Variants in SESN1 observed in about 807,000 individuals in gnomAD.
SESN1 encodes the protein sestrin 1.
Under a neutral mutation model 59.3 loss-of-function variants are expected in SESN1, and 30 were observed. The ratio of observed to expected loss-of-function variants is 0.51; its 90% CI spans 0.38 to 0.69. SESN1 has a LOEUF of 0.69. SESN1 is among the 30% of genes least tolerant of loss of function. SESN1 has a pLI of 0.00. For synonymous variants in SESN1, 197 were observed against 219.9 expected (o/e 0.90, Z 0.92); for missense variants, 566 against 673.0 (o/e 0.84, Z 1.76).
rs1168722450 is a variant in SESN1 at position 108,984,763 on chromosome 6, C to CAACT, written c.*2777_*2780dup. Among the ~76,000 whole-genome samples, 1 of 152,192 alleles carries CAACT rather than the reference C, an allele frequency of 6.6e-6. No individual in the cohort carries two copies. The highest frequency in any genetic ancestry group is 1.9e-4 in the East Asian group (1 of 5,198). On this transcript the variant is annotated 3_prime_UTR_variant, in exon 10 of 10. Coordinates refer to ENST00000436639, the MANE Select transcript of SESN1 (RefSeq NM_014454.3). ...TTTTGTGTGCTGACTTTGTATCCTA[C>CAACT]AACTTTGCTGAATTTATGCTTCCTC...
At chr6:109,043,460 T>C (rs1018319701) in intron 1 of SESN1, among the ~76,000 whole-genome samples, 1 of 152,086 alleles carries the variant, frequency 6.6e-6, no homozygotes, top group African/African-American at 2.4e-5. Context: ...ATTATGTACA[T>C]AGAAAATCCC....
At chr6:108,994,894 G>A (rs905095577) in intron 5 of SESN1, among the ~76,000 whole-genome samples, 5 of 151,736 alleles carry the variant, frequency 3.3e-5, no homozygotes, top group Admixed American at 1.3e-4. Context: ...TAGTAGAGAC[G>A]GGGTTTCACC....
intron 1 of SESN1, among the ~76,000 whole-genome samples, chr6:109,058,337 C>T (rs915784858): frequency 1.3e-5 from 2 of 152,140 alleles, no homozygotes; most frequent in African/African-American, 4.8e-5. Flanking sequence ...CATTGTGTTA[C>T]AACTGCCAGT....
intron 1 of SESN1, among the ~76,000 whole-genome samples, chr6:109,008,165 T>C (rs1391400926): frequency 2.6e-5 from 4 of 152,200 alleles, no homozygotes; most frequent in African/African-American, 7.2e-5. Context: ...AAGCTATCTT[T>C]AGAAATTCTA....
chr6:109,046,612 G>C lies in SESN1; in HGVS notation c.280-44269C>G, dbSNP rs1021474135. Among the ~76,000 whole-genome samples the C allele has an allele frequency of 9.2e-5, 13 of 141,038 alleles. 1 individual carries two copies. Among genetic ancestry groups the C allele is most frequent in the Admixed American group, 6.9e-4 (10 of 14,460 alleles). The allele number at this position is 141,038 out of a possible 152,430, so 92.5% of individuals were successfully genotyped here. On this transcript the variant is annotated intron_variant, in intron 1 of 9. Transcript: ENST00000436639. ...TGGAAAGTGAGGAGCGTCTGCGCCCGGCCGCCATCCCATCTAGGAAGTGAG... is the reference window on the plus strand; with the variant it reads ...TGGAAAGTGAGGAGCGTCTGCGCCCCGCCGCCATCCCATCTAGGAAGTGAG...
At chr6:109,024,443 A>T (rs1780059451) in intron 1 of SESN1, among the ~76,000 whole-genome samples, 1 of 152,168 alleles carries the variant, frequency 6.6e-6, no homozygotes, top group East Asian at 1.9e-4. Context: ...ATGGTCCTAT[A>T]AGCCTTAAAA....
chr6:109,069,126 T>C (rs1339348042), intron 1 of SESN1, among the ~76,000 whole-genome samples: 1 of 152,128 alleles, frequency 6.6e-6, no homozygotes, highest in Non-Finnish European at 1.5e-5. Context: ...TGTTTGTAAC[T>C]TTCAAGAGGT....
chr6:109,084,844 T>C (rs1220468526), intron 1 of SESN1, among the ~76,000 whole-genome samples: 1 of 152,044 alleles, frequency 6.6e-6, no homozygotes, highest in African/African-American at 2.4e-5. Context: ...TTAACATGAA[T>C]TTTTTTGTTA....
intron 1 of SESN1, among the ~76,000 whole-genome samples, chr6:109,046,615 C>CA (rs1780444099): frequency 7.7e-6 from 1 of 130,250 alleles, no homozygotes; most frequent in African/African-American, 2.7e-5. Flanking sequence ...TGCGCCCGGC[C>CA]GCCATCCCAT....
At chr6:109,061,235 C>T (rs988081166) in intron 1 of SESN1, among the ~76,000 whole-genome samples, 1 of 152,086 alleles carries the variant, frequency 6.6e-6, no homozygotes, top group Non-Finnish European at 1.5e-5. Flanking sequence ...GAAACCACAT[C>T]TGATTCCATG....
intron 1 of SESN1, among the ~76,000 whole-genome samples, chr6:109,080,116 A>G (rs1781096031): frequency 6.6e-6 from 1 of 152,206 alleles, no homozygotes; most frequent in Non-Finnish European, 1.5e-5. Flanking sequence ...GCCAGAAGCC[A>G]GTTATAAAAC....
At position 109,094,206 on chromosome 6, in the gene SESN1, T is replaced by C. The variant is rs904500185; in HGVS notation, c.-133A>G. 1.6e-5 allele frequency: 16 copies of C among 1,018,158 alleles called. No homozygotes were observed. The highest frequency in any genetic ancestry group is 5.1e-5 in the Admixed American group (2 of 39,016). 63.1% of individuals were successfully genotyped at this position (1,018,158 alleles called of 1,614,324 possible). A position where few individuals can be genotyped will look rare whatever the true frequency, so the allele number is the denominator to read the frequency against. ...ATCGTCATGAAAACACACATCTGGG[T>C]GACATTTGGAACCACTGGTGCCTTC... On this transcript the variant is annotated 5_prime_UTR_variant, in exon 1 of 10. Coordinates refer to ENST00000436639, the MANE Select transcript of SESN1 (RefSeq NM_014454.3).
chr6:109,062,634 T>C (rs750517829), intron 1 of SESN1, among the ~76,000 whole-genome samples: 1 of 152,212 alleles, frequency 6.6e-6, no homozygotes, highest in Non-Finnish European at 1.5e-5. Context: ...GAAATAGCTG[T>C]ATTAAAACAT....
At chr6:108,988,794 T>C in intron 8 of SESN1, 107 bp from the exon 9 acceptor site, 1 of 833,886 alleles carries the variant, frequency 1.2e-6, no homozygotes, top group African/African-American at 1.8e-5. Flanking sequence ...TCTCTCTTTG[T>C]GTAGGCAGCT....
At position 109,094,137 on chromosome 6, in the gene SESN1, T is replaced by C. The variant is rs1554268467; in HGVS notation, c.-64A>G. 6.7e-7 allele frequency: 1 copy of C among 1,484,088 alleles called. No individual in the cohort carries two copies. Among genetic ancestry groups the C allele is most frequent in the East Asian group, 2.3e-5 (1 of 43,940 alleles). The allele number at this position is 1,484,088 out of a possible 1,614,324, so 91.9% of individuals were successfully genotyped here. On this transcript the variant is annotated 5_prime_UTR_variant, in exon 1 of 10. In the 5' UTR this introduces an upstream ATG that the reference lacks. Coordinates refer to ENST00000436639, the MANE Select transcript of SESN1 (RefSeq NM_014454.3). ...AGCATGCCCCAAAAAAATTGCTTTG[T>C]ATTTTTAAAATGAAAAATGTAAAAA...
At chr6:109,024,045 A>T (rs996777267) in intron 1 of SESN1, among the ~76,000 whole-genome samples, 1 of 152,126 alleles carries the variant, frequency 6.6e-6, no homozygotes, top group Non-Finnish European at 1.5e-5. Flanking sequence ...ATAGATGTTG[A>T]CTATTGATAT....
Position 109,023,452 on chromosome 6 carries a change from TG to T in SESN1, c.280-21110del, listed in dbSNP as rs544930640. On this transcript the variant is annotated intron_variant, in intron 1 of 9. Coordinates refer to ENST00000436639, the MANE Select transcript of SESN1 (RefSeq NM_014454.3). ...TTAACCTCCAAAATATGATCCACTA[TG>T]TTTTTTTGATACTTTTATAAATAAT... is the stretch of plus-strand genomic sequence containing the variant. 6.7e-4 allele frequency among the ~76,000 whole-genome samples: 102 copies of T among 152,354 alleles called. 1 individual carries two copies. The highest frequency in any genetic ancestry group is 6.5e-3 in the Admixed American group (99 of 15,306).
At chr6:109,004,440 T>TG in intron 1 of SESN1, among the ~76,000 whole-genome samples, 1 of 146,564 alleles carries the variant, frequency 6.8e-6, no homozygotes, top group East Asian at 2.0e-4. Flanking sequence ...CCAACAATCT[T>TG]TTTTTTTTTT....
intron 1 of SESN1, among the ~76,000 whole-genome samples, chr6:109,026,845 A>G (rs769693549): frequency 6.6e-6 from 1 of 151,960 alleles, no homozygotes; most frequent in East Asian, 1.9e-4. Flanking sequence ...TTTCCAAAGT[A>G]GTTGTACCAT....
Sources: gnomAD v4.1 joint callset for allele counts (sites outside exome capture counted in the v4.1 genomes callset) on GRCh38, gnomAD v4.1.1 for gene constraint, MANE v1.5 for transcripts, NCBI Gene and HGNC (gene_info 2026-07-23, HGNC 2026-07-21) for gene names.